The following LARP1B variants were observed in gnomAD, a reference collection of about 807,000 sequenced individuals.
LARP1B encodes the protein la-related protein 1B.
Under a neutral mutation model 114.2 loss-of-function variants are expected in LARP1B, and 76 were observed. That is an observed-to-expected ratio of 0.67 (90% confidence interval 0.55 to 0.81). LARP1B has a LOEUF of 0.81. Ranked by LOEUF, LARP1B falls within the 30% of genes least tolerant of loss-of-function variation. The pLI, the probability that LARP1B is intolerant of heterozygous loss-of-function variation, is 0.00. For synonymous variants in LARP1B, 345 were observed against 348.0 expected (o/e 0.99, Z 0.10); for missense variants, 1,014 against 1,075.8 (o/e 0.94, Z 0.80).
intron 1 of LARP1B, among the ~76,000 whole-genome samples, chr4:128,070,244 C>T (rs529676579): frequency 1.5e-4 from 22 of 151,602 alleles, no homozygotes; most frequent in African/African-American, 5.1e-4. Context: ...GGGGTGAAGC[C>T]GGGAGGCGGA....
chr4:128,199,913 C>G (rs556573261), intron 16 of LARP1B, among the ~76,000 whole-genome samples: 1 of 152,236 alleles, frequency 6.6e-6, no homozygotes, highest in Admixed American at 6.5e-5. Flanking sequence ...TAGTGAAACT[C>G]CATCTGTACT....
chr4:128,142,478 A>G (rs2150225056), intron 11 of LARP1B, among the ~76,000 whole-genome samples: 1 of 151,554 alleles, frequency 6.6e-6, no homozygotes, highest in East Asian at 1.9e-4. Flanking sequence ...CCACAGTTCC[A>G]TTATTAGTCC....
intron 12 of LARP1B, among the ~76,000 whole-genome samples, chr4:128,176,215 A>G (rs2150616871): frequency 6.9e-6 from 1 of 143,998 alleles, no homozygotes; most frequent in Non-Finnish European, 1.5e-5. Flanking sequence ...ATATATTTAT[A>G]TATAAATTTA....
upstream of LARP1B, among the ~76,000 whole-genome samples, chr4:128,060,839 C>T (rs1759907187): frequency 6.6e-6 from 1 of 151,636 alleles, no homozygotes; most frequent in Admixed American, 6.5e-5. Flanking sequence ...GCGGCCGGGC[C>T]GCGGAGCCCA....
chr4:128,091,028 AT>A lies in LARP1B; in HGVS notation c.387del (p.Asp129GlufsTer9). 1 of 1,612,528 alleles carries A rather than the reference AT, an allele frequency of 6.2e-7. No homozygotes were observed. Among genetic ancestry groups the A allele is most frequent in the Non-Finnish European group, 8.5e-7 (1 of 1,179,040 alleles). On this transcript the variant is annotated frameshift_variant, in exon 6 of 20. Coordinates refer to ENST00000326639, the MANE Select transcript of LARP1B (RefSeq NM_018078.4). LOFTEE classifies it high-confidence loss of function. Reference sequence around the variant, plus strand: ...TGGAAGCGAGATAGAGAAAAAAGGGATGATCAAGATGACGTTTCCAGTGTGA... The same window carrying A: ...TGGAAGCGAGATAGAGAAAAAAGGGAGATCAAGATGACGTTTCCAGTGTGA... ...RSWKRDREKR[D>X]DQDDVSSVRS...
intron 8 of LARP1B, among the ~76,000 whole-genome samples, chr4:128,100,327 T>C (rs991141823): frequency 6.9e-6 from 1 of 144,006 alleles, no homozygotes. Flanking sequence ...TGCTGGAGTG[T>C]TCTGGTGCGA....
chr4:128,199,785 A>T (rs927815830), intron 16 of LARP1B, among the ~76,000 whole-genome samples, 186 bp downstream of exon 16: 1 of 152,212 alleles, frequency 6.6e-6, no homozygotes, highest in Non-Finnish European at 1.5e-5. Context: ...CACATTAGGA[A>T]ATAAAAATTA....
intron 11 of LARP1B, among the ~76,000 whole-genome samples, chr4:128,125,541 AT>A (rs1789285265): frequency 6.6e-6 from 1 of 152,162 alleles, no homozygotes; most frequent in African/African-American, 2.4e-5. Flanking sequence ...AGGTCAAGAG[AT>A]TGAGACCATC....
At chr4:128,083,312 G>A (rs1263001201) in intron 5 of LARP1B, among the ~76,000 whole-genome samples, 2 of 152,004 alleles carry the variant, frequency 1.3e-5, no homozygotes, top group East Asian at 1.9e-4. Context: ...ATCCTGGCCC[G>A]TTCTCAATGA....
intron 10 of LARP1B, among the ~76,000 whole-genome samples, chr4:128,117,034 A>G (rs1326976417): frequency 6.7e-6 from 1 of 148,490 alleles, no homozygotes; most frequent in Admixed American, 6.8e-5. Flanking sequence ...GTCTCAGCCT[A>G]CCGAGCAGCT....
At chr4:128,159,880 G>GT (rs986670010) in intron 11 of LARP1B, among the ~76,000 whole-genome samples, 4 of 152,110 alleles carry the variant, frequency 2.6e-5, no homozygotes, top group African/African-American at 9.7e-5. Context: ...AAAAATTTGT[G>GT]TCCCTGTTCC....
chr4:128,139,583 TAA>T (rs5861845), intron 11 of LARP1B, among the ~76,000 whole-genome samples: 4 of 147,220 alleles, frequency 2.7e-5, no homozygotes, highest in East Asian at 2.0e-4. Context: ...GTATAACTGT[TAA>T]AAAAAAAAAC....
intron 5 of LARP1B, among the ~76,000 whole-genome samples, chr4:128,090,064 C>T (rs969858014): frequency 6.7e-5 from 10 of 149,488 alleles, no homozygotes; most frequent in Non-Finnish European, 1.2e-4. Flanking sequence ...TGAGCCACCA[C>T]ACCGGGCCTC....
chr4:128,201,090 T>G (rs1005643640), intron 17 of LARP1B, among the ~76,000 whole-genome samples: 3 of 152,196 alleles, frequency 2.0e-5, no homozygotes, highest in Non-Finnish European at 4.4e-5. Flanking sequence ...CTTCAGTTCC[T>G]TGCCACACTG....
chr4:128,209,064 C>A (rs1758356599), intron 19 of LARP1B, among the ~76,000 whole-genome samples: 1 of 152,112 alleles, frequency 6.6e-6, no homozygotes, highest in Non-Finnish European at 1.5e-5. Flanking sequence ...CCAAGGAACC[C>A]AGCCTTATAG....
rs749700351 is a variant in LARP1B, at chr4:128,209,927, A to G, written c.2619A>G (p.Arg873=). 46 of 1,613,766 alleles carry G rather than the reference A, an allele frequency of 2.9e-5. No homozygotes were observed. The Admixed American group carries it at 7.7e-4, about 27-fold the overall frequency. ...CTGGTGAGGAGAGTAATCGTCATAG[A>G]CTTCCACCTAATTCCTCTACAAAGC... ...STSGEESNRH[R]LPPNSSTKPP... Residue 873 remains arginine (R), a synonymous_variant, in exon 20 of 20, where the codon AGA becomes AGG. Transcript: ENST00000326639.
chr4:128,122,550 T>A (rs1349436118), intron 11 of LARP1B: 15 of 1,527,026 alleles, frequency 9.8e-6, no homozygotes, highest in Non-Finnish European at 1.3e-5. Context: ...CAGGCTTAAT[T>A]TATATGCTCA....
At chr4:128,087,952 G>A (rs1006596796) in intron 5 of LARP1B, among the ~76,000 whole-genome samples, 2 of 151,830 alleles carry the variant, frequency 1.3e-5, no homozygotes, top group Admixed American at 6.6e-5. Flanking sequence ...TATTCTAAAA[G>A]TAATGGATTC....
At chr4:128,184,792 T>C (rs1420031233) in intron 15 of LARP1B, among the ~76,000 whole-genome samples, 1 of 152,036 alleles carries the variant, frequency 6.6e-6, no homozygotes, top group East Asian at 1.9e-4. Context: ...CTTATCTCTA[T>C]GAGATCTACT....
Sources: allele counts gnomAD v4.1 joint callset (sites outside exome capture counted in the v4.1 genomes callset), GRCh38; gene constraint gnomAD v4.1.1; transcripts MANE v1.5; gene names NCBI Gene and HGNC (gene_info 2026-07-23, HGNC 2026-07-21).